Variants in ANKLE2 observed in about 807,000 individuals in gnomAD.
ANKLE2 encodes the protein ankyrin repeat and LEM domain-containing protein 2.
Under a neutral mutation model 84.2 loss-of-function variants are expected in ANKLE2, and 55 were observed. That is an observed-to-expected ratio of 0.65 (90% confidence interval 0.53 to 0.82). The LOEUF is 0.82. Among genes scored for constraint, ANKLE2 ranks in the 40% least tolerant of loss-of-function variants. The pLI, the probability that ANKLE2 is intolerant of heterozygous loss-of-function variation, is 0.00. For missense variants in ANKLE2, 1,238 were observed against 1,201.9 expected (o/e 1.03, Z -0.44); for synonymous variants, 551 against 486.1 (o/e 1.13, Z -1.76).
chr12:132,744,689 CTTTT>C (rs144388066), intron 5 of ANKLE2, among the ~76,000 whole-genome samples: 1 of 151,544 alleles, frequency 6.6e-6, no homozygotes, highest in Non-Finnish European at 1.5e-5. Flanking sequence ...GCACTATAGA[CTTTT>C]TTTTTGAGAC....
Position 132,730,247 on chromosome 12 carries a change from C to T in ANKLE2, c.1915G>A (p.Ala639Thr), listed in dbSNP as rs2043812830. 2 of 1,568,168 alleles carry T rather than the reference C, an allele frequency of 1.3e-6. No individual in the cohort carries two copies. Among genetic ancestry groups the T allele is most frequent in the Non-Finnish European group, 1.7e-6 (2 of 1,155,646 alleles). ...TSGSNSISVR[A>T]FLDEDDMSLE... Reference sequence around the variant, plus strand: ...CTCATGTCATCTTCATCTAGAAACGCCCTCACGGAAATGGAATTGCTGCCT... The same window carrying T: ...CTCATGTCATCTTCATCTAGAAACGTCCTCACGGAAATGGAATTGCTGCCT... Residue 639 changes from alanine to threonine, a missense_variant, in exon 11 of 13, where the codon GCG becomes ACG. By Grantham distance (58) the Ala-to-Thr change is moderately conservative. Around this residue, in one of 3 missense-constraint regions of ANKLE2, gnomAD observed 802 missense variants for 774.5 expected, o/e 1.04. Transcript: ENST00000357997.
intron 3 of ANKLE2, 86 bp downstream of exon 3, chr12:132,750,557 G>C: frequency 6.9e-7 from 1 of 1,455,914 alleles, no homozygotes; most frequent in Non-Finnish European, 9.5e-7. Context: ...GAGAAAACAA[G>C]TTACCACATC....
chr12:132,746,099 A>C, intron 5 of ANKLE2, among the ~76,000 whole-genome samples: 1 of 152,232 alleles, frequency 6.6e-6, no homozygotes, highest in East Asian at 1.9e-4. Context: ...CCGTAATCCC[A>C]GCACTCTGGG....
chr12:132,737,119 G>C, intron 7 of ANKLE2, 54 bp from the exon 8 acceptor site: 1 of 1,526,402 alleles, frequency 6.6e-7, no homozygotes, highest in Non-Finnish European at 8.8e-7. Flanking sequence ...CGCAGGTCAG[G>C]CCTGGGTGAG....
intron 11 of ANKLE2, among the ~76,000 whole-genome samples, chr12:132,729,128 G>C (rs2043770726): frequency 6.6e-6 from 1 of 151,536 alleles, no homozygotes. Context: ...CGAGGCAGGT[G>C]GATCACGAGG....
chr12:132,730,301 TG>T, intron 10 of ANKLE2, 31 bp from the exon 11 acceptor site: 1 of 1,521,442 alleles, frequency 6.6e-7, no homozygotes, highest in Non-Finnish European at 8.8e-7. Flanking sequence ...ACTTCAGTGA[TG>T]GGAACGACAG....
intron 9 of ANKLE2, 56 bp from the exon 10 acceptor site, chr12:132,734,631 C>T: frequency 6.6e-7 from 1 of 1,525,616 alleles, no homozygotes; most frequent in South Asian, 1.3e-5. Context: ...ATACTCAGAA[C>T]TACACAGAAA....
Position 132,728,117 on chromosome 12 carries a change from A to G in ANKLE2, c.2530T>C (p.Cys844Arg), listed in dbSNP as rs376170698. Residue 844 changes from cysteine to arginine, a missense_variant, in exon 12 of 13, where the codon TGT becomes CGT. Around this residue, in one of 3 missense-constraint regions of ANKLE2, gnomAD observed 802 missense variants for 774.5 expected, o/e 1.04. Transcript: ENST00000357997. Reference sequence around the variant, plus strand: ...AACTGATGGGGGTCGACGTCTGCACATTCAAGAGCGGCCAAAACATCCTGA... The same window carrying G: ...AACTGATGGGGGTCGACGTCTGCACGTTCAAGAGCGGCCAAAACATCCTGA... ...LDQDVLAALE[C>R]ADVDPHQFPA... The G allele has an allele frequency of 6.2e-6, 10 of 1,612,928 alleles. No homozygotes were observed. Among genetic ancestry groups the G allele is most frequent in the African/African-American group, 5.3e-5 (4 of 74,938 alleles).
intron 7 of ANKLE2, chr12:132,737,730 A>T (rs553129387): frequency 6.6e-6 from 1 of 152,224 alleles, no homozygotes; most frequent in East Asian, 1.9e-4. Context: ...AACAAAAAAA[A>T]GTAATATTTT....
chr12:132,743,149 C>T lies in ANKLE2; in HGVS notation c.1353+5G>A, dbSNP rs755628492. 2 of 1,600,524 alleles carry T rather than the reference C, an allele frequency of 1.2e-6. No individual in the cohort carries two copies. Among genetic ancestry groups the T allele is most frequent in the Non-Finnish European group, 1.7e-6 (2 of 1,172,062 alleles). Reference sequence around the variant, plus strand: ...GATAGCAACTGCATTGTAATAAGTACTTACATCTTCAGGTGTTTTATCATA... The same window carrying T: ...GATAGCAACTGCATTGTAATAAGTATTTACATCTTCAGGTGTTTTATCATA... On this transcript the variant is annotated splice_donor_5th_base_variant and intron_variant, in intron 6 of 12. Transcript: ENST00000357997. This position sits in a 1 kb window ranked among gnomAD's most constrained non-coding sequence, Gnocchi z 4.1.
chr12:132,747,928 G>C lies in ANKLE2; in HGVS notation c.1134C>G (p.Asp378Glu). The C allele has an allele frequency of 6.2e-7, 1 of 1,602,978 alleles. No individual in the cohort carries two copies. The highest frequency in any genetic ancestry group is 8.5e-7 in the Non-Finnish European group (1 of 1,177,406). Residue 378 changes from aspartate (D) to glutamate (E), a missense_variant, in exon 5 of 13, where the codon GAC becomes GAG. Around this residue, in one of 3 missense-constraint regions of ANKLE2, gnomAD observed 802 missense variants for 774.5 expected, o/e 1.04. Transcript: ENST00000357997. ...CATCAGGGTACATCAGCCTCATGAA[G>C]TCAGGGTTCTCCAGGACGTCCAGAG... ...QLTLDVLENPDFMRLMYPDDD... is the reference protein window; with the variant it reads ...QLTLDVLENPEFMRLMYPDDD...
Position 132,727,337 on chromosome 12 carries a change from C to T in ANKLE2, c.2722G>A (p.Ala908Thr), listed in dbSNP as rs200904328. Reference protein sequence around the residue: ...GRNSVAGSNPAKPGLGSPGRY... With the variant: ...GRNSVAGSNPTKPGLGSPGRY... ...CCAGGACTGCCCAGGCCTGGCTTTG[C>T]GGGGTTGCTTCCAGCCACGCTGTTT... is the stretch of plus-strand genomic sequence containing the variant. The change falls in exon 13 of 13, where the codon GCA becomes ACA. Residue 908 changes from alanine to threonine, a missense_variant. Transcript: ENST00000357997. 4.3e-5 allele frequency: 67 copies of T among 1,562,168 alleles called. No individual in the cohort carries two copies. Among genetic ancestry groups the T allele is most frequent in the Non-Finnish European group, 4.6e-5 (53 of 1,153,684 alleles).
chr12:132,728,081 G>A lies in ANKLE2; in HGVS notation c.2566C>T (p.His856Tyr). Reference sequence around the variant, plus strand: ...CACAGGACAGCACTCTTCCATCTGTGCACGGCCGGGAACTGATGGGGGTCG... The same window carrying A: ...CACAGGACAGCACTCTTCCATCTGTACACGGCCGGGAACTGATGGGGGTCG... ...DVDPHQFPAV[H>Y]RWKSAVLCYS... Residue 856 changes from histidine (H) to tyrosine (Y), a missense_variant, in exon 12 of 13, where the codon CAC becomes TAC. By Grantham distance (83) the His-to-Tyr change is moderately conservative. Coordinates refer to ENST00000357997, the MANE Select transcript of ANKLE2 (RefSeq NM_015114.3). The A allele has an allele frequency of 6.2e-7, 1 of 1,612,884 alleles. No individual in the cohort carries two copies. The highest frequency in any genetic ancestry group is 8.5e-7 in the Non-Finnish European group (1 of 1,179,928).
Position 132,729,846 on chromosome 12 carries a change from T to A in ANKLE2, c.2316A>T (p.Arg772Ser). The change falls in exon 11 of 13, where the codon AGA becomes AGT. Residue 772 changes from arginine (R) to serine (S), a missense_variant. Coordinates refer to ENST00000357997, the MANE Select transcript of ANKLE2 (RefSeq NM_015114.3). ...CTGCGGGAGAAGGCTCTAACAAGTC[T>A]CTTTCTACTGCATTGATTCTTGAAG... ...ILTSRINAVE[R>S]DLLEPSPADQ... 1.2e-6 allele frequency: 2 copies of A among 1,613,590 alleles called. No individual in the cohort carries two copies. The highest frequency in any genetic ancestry group is 2.2e-5 in the South Asian group (2 of 91,062).
In ANKLE2 at chr12:132,727,095, A is replaced by G; in HGVS notation, c.*147T>C. ...TATCAGAAATCTAAGTGTTATATAG[A>G]ACATTTAAATCTTCTAAAATTCTCA... On this transcript the variant is annotated 3_prime_UTR_variant, in exon 13 of 13. Coordinates refer to ENST00000357997, the MANE Select transcript of ANKLE2 (RefSeq NM_015114.3). The G allele has an allele frequency of 1.2e-6, 1 of 866,732 alleles. No homozygotes were observed. Among genetic ancestry groups the G allele is most frequent in the Non-Finnish European group, 1.7e-6 (1 of 599,272 alleles). 53.7% of individuals were successfully genotyped at this position (866,732 alleles called of 1,614,324 possible).
At chr12:132,746,462 T>C (rs1282483071) in intron 5 of ANKLE2, among the ~76,000 whole-genome samples, 2 of 151,950 alleles carry the variant, frequency 1.3e-5, no homozygotes, top group Non-Finnish European at 2.9e-5. Flanking sequence ...ACAGAAGGAA[T>C]GCAATCACCC....
intron 9 of ANKLE2, 49 bp from the exon 10 acceptor site, chr12:132,734,624 C>G (rs2136120988): frequency 6.5e-7 from 1 of 1,548,088 alleles, no homozygotes; most frequent in South Asian, 1.2e-5. Context: ...AGAAAAAATA[C>G]TCAGAACTAC....
At chr12:132,761,292 C>T (rs922863697) in intron 1 of ANKLE2, 3 of 225,852 alleles carry the variant, frequency 1.3e-5, no homozygotes, top group African/African-American at 6.8e-5. Context: ...GGCCATCCCT[C>T]CCCAGGTCTC....
Position 132,735,523 on chromosome 12 carries a change from A to G in ANKLE2, c.1594-11T>C. ...GCGAAAATCTTCTGCCTATGAAGAA[A>G]AAAAAATGTATTGAGCCGTGTCAGG... On this transcript the variant is annotated splice_polypyrimidine_tract_variant and intron_variant, in intron 8 of 12. Transcript: ENST00000357997. 1 of 1,609,072 alleles carries G rather than the reference A, an allele frequency of 6.2e-7. No individual in the cohort carries two copies. The highest frequency in any genetic ancestry group is 8.5e-7 in the Non-Finnish European group (1 of 1,177,866).
Sources: gnomAD v4.1 joint callset for allele counts (sites outside exome capture counted in the v4.1 genomes callset) on GRCh38, gnomAD v4.1.1 for gene constraint, gnomAD v4.1.1 regional missense constraint, Gnocchi (gnomAD v3.1) non-coding constraint, MANE v1.5 for transcripts, NCBI Gene and HGNC (gene_info 2026-07-23, HGNC 2026-07-21) for gene names.